The following SOCS4 variants were observed in gnomAD, a reference collection of about 807,000 sequenced individuals.
The protein encoded by SOCS4 is SH2 domain containing SOCS box protein.
SOCS4 carries 20 observed loss-of-function variants against 34.1 expected under a neutral mutation model. The ratio of observed to expected loss-of-function variants is 0.59; its 90% CI spans 0.41 to 0.85. The LOEUF (loss-of-function observed/expected upper bound fraction) is 0.85. Ranked by LOEUF, SOCS4 falls within the 40% of genes least tolerant of loss-of-function variation. The pLI, the probability that SOCS4 is intolerant of heterozygous loss-of-function variation, is 0.00. For missense variants in SOCS4, 479 were observed against 532.4 expected (o/e 0.90, Z 0.99); for synonymous variants, 180 against 186.4 (o/e 0.97, Z 0.28).
chr14:55,034,933 T>C (rs2042559468), intron 2 of SOCS4, among the ~76,000 whole-genome samples: 1 of 150,410 alleles, frequency 6.6e-6, no homozygotes, highest in African/African-American at 2.4e-5. Context: ...CAATCTTGGC[T>C]CACTGCAACC....
chr14:55,036,312 G>A (rs1022480267), intron 2 of SOCS4, among the ~76,000 whole-genome samples: 2 of 151,546 alleles, frequency 1.3e-5, no homozygotes, highest in East Asian at 3.9e-4. Context: ...CAATATGGAG[G>A]TGCCTGTCCT....
At position 55,044,107 on chromosome 14, in the gene SOCS4, G is replaced by C; in HGVS notation, c.1066G>C (p.Asp356His). The C allele has an allele frequency of 6.2e-7, 1 of 1,614,110 alleles. No homozygotes were observed. Among genetic ancestry groups the C allele is most frequent in the South Asian group, 1.1e-5 (1 of 91,076 alleles). Reference protein sequence around the residue: ...AHDPCVFHSPDITGLLEHYKD... With the variant: ...AHDPCVFHSPHITGLLEHYKD... Reference sequence around the variant, plus strand: ...TGACCCCTGTGTCTTCCATTCTCCTGACATTACTGGGCTCCTAGAACATTA... The same window carrying C: ...TGACCCCTGTGTCTTCCATTCTCCTCACATTACTGGGCTCCTAGAACATTA... The change falls in exon 3 of 3, where the codon GAC (aspartate) becomes CAC (histidine). Residue 356 changes from aspartate to histidine, a missense_variant. Asp to His is a moderately conservative substitution (Grantham distance 81). Coordinates refer to ENST00000555846, the MANE Select transcript of SOCS4 (RefSeq NM_199421.2).
At chr14:55,027,812 G>A (rs1380132665) in intron 1 of SOCS4, 3 of 152,182 alleles carry the variant, frequency 2.0e-5, no homozygotes, top group African/African-American at 7.2e-5. Context: ...CTATATATCC[G>A]TTATGAAGAA....
At position 55,047,983 on chromosome 14, in the gene SOCS4, G is replaced by A. The variant is rs550495802; in HGVS notation, c.*3619G>A. ...TCAGCCCAGGCTGGAGTGCAATGGC[G>A]CAATCTCGGTTCACTGCAACCTCTG... On this transcript the variant is annotated 3_prime_UTR_variant, in exon 3 of 3. Transcript: ENST00000555846. 9.4e-4 allele frequency: 156 copies of A among 166,412 alleles called. 1 individual carries two copies. Among genetic ancestry groups the A allele is most frequent in the Non-Finnish European group, 1.5e-5 (1 of 68,114 alleles). 10.3% of individuals were successfully genotyped at this position (166,412 alleles called of 1,614,324 possible). A position where few individuals can be genotyped will look rare whatever the true frequency, so the allele number is the denominator to read the frequency against.
Position 55,039,681 on chromosome 14 carries a change from C to T in SOCS4, c.-90-3271C>T, listed in dbSNP as rs1029090003. On this transcript the variant is annotated intron_variant, in intron 2 of 2. Transcript: ENST00000555846. ...GGCCGAGGTGGGCGGACCACGAAGTCAGGAGATCGAGACCATCCTGGCTAA... is the reference window on the plus strand; with the variant it reads ...GGCCGAGGTGGGCGGACCACGAAGTTAGGAGATCGAGACCATCCTGGCTAA... 3.9e-5 allele frequency among the ~76,000 whole-genome samples: 6 copies of T among 152,304 alleles called. No individual in the cohort carries two copies. In the East Asian group the frequency reaches 7.7e-4, roughly 20 times the overall value.
At position 55,043,232 on chromosome 14, in the gene SOCS4, A is replaced by G. The variant is rs777137817; in HGVS notation, c.191A>G (p.Asn64Ser). The part of the protein sequence containing the change: ...GIEKTEVSLR[N>S]QERKHSCSSI... ...GAGAAAACCGAAGTGTCTTTAAGGAACCAAGAAAGGAAGCACAGCTGTTCA... is the reference window on the plus strand; with the variant it reads ...GAGAAAACCGAAGTGTCTTTAAGGAGCCAAGAAAGGAAGCACAGCTGTTCA... The change falls in exon 3 of 3, where the codon AAC becomes AGC. Residue 64 changes from asparagine to serine, a missense_variant. Physicochemically the swap from Asn to Ser is conservative, Grantham distance 46 (BLOSUM62 1). Transcript: ENST00000555846. 1 of 1,614,214 alleles carries G rather than the reference A, an allele frequency of 6.2e-7. No individual in the cohort carries two copies. Among genetic ancestry groups the G allele is most frequent in the Non-Finnish European group, 8.5e-7 (1 of 1,180,038 alleles).
rs772661402 is a variant in SOCS4, at chr14:55,044,203, T to G, written c.1162T>G (p.Ser388Ala). The G allele has an allele frequency of 6.2e-7, 1 of 1,614,086 alleles. No individual in the cohort carries two copies. The highest frequency in any genetic ancestry group is 8.5e-7 in the Non-Finnish European group (1 of 1,179,966). ...TCCCTTAATTCGGACTTTCCCTTTT[T>G]CCCTGCAGCATATATGCAGAACAGT... ...STPLIRTFPF[S>A]LQHICRTVIC... is the part of the protein sequence containing the mutation. Residue 388 changes from serine (S) to alanine (A), a missense_variant, in exon 3 of 3, where the codon TCC becomes GCC. By Grantham distance (99) the Ser-to-Ala change is moderately conservative. Coordinates refer to ENST00000555846, the MANE Select transcript of SOCS4 (RefSeq NM_199421.2).
At chr14:55,041,532 G>A (rs554968096) in intron 2 of SOCS4, among the ~76,000 whole-genome samples, 25 of 151,066 alleles carry the variant, frequency 1.7e-4, no homozygotes, top group Non-Finnish European at 2.9e-4. Flanking sequence ...AGGCTGGAGC[G>A]CAGAGGTGCG....
At chr14:55,031,504 T>C (rs774772942) in intron 1 of SOCS4, among the ~76,000 whole-genome samples, 6 of 149,560 alleles carry the variant, frequency 4.0e-5, no homozygotes, top group Admixed American at 2.0e-4. Context: ...CCCAAACTTA[T>C]TTGACAAGAG....
chr14:55,037,789 C>T (rs937673287), intron 2 of SOCS4, among the ~76,000 whole-genome samples: 16 of 152,148 alleles, frequency 1.1e-4, no homozygotes, highest in East Asian at 1.9e-4. Flanking sequence ...CCACTGTGCC[C>T]GGCCCCTACC....
chr14:55,040,798 T>G (rs1361020292), intron 2 of SOCS4, among the ~76,000 whole-genome samples: 1 of 152,148 alleles, frequency 6.6e-6, no homozygotes, highest in Non-Finnish European at 1.5e-5. Context: ...GGGGATTTTT[T>G]CCTTGAATAT....
rs1330045932 is a variant in SOCS4, at chr14:55,045,886, A to G, written c.*1522A>G. ...AAGTTAGAACAAATATTTCTTCATT[A>G]TTGTTGCTTTTATGTGAGTAGCATT... On this transcript the variant is annotated 3_prime_UTR_variant, in exon 3 of 3. Transcript: ENST00000555846. The G allele has an allele frequency of 6.0e-6, 1 of 166,894 alleles. No homozygotes were observed. The highest frequency in any genetic ancestry group is 1.5e-5 in the Non-Finnish European group (1 of 67,996). The allele number at this position is 166,894 out of a possible 1,614,324, so 10.3% of individuals were successfully genotyped here. A position where few individuals can be genotyped will look rare whatever the true frequency, so the allele number is the denominator to read the frequency against.
chr14:55,032,208 C>T (rs540051125), intron 2 of SOCS4, among the ~76,000 whole-genome samples: 2 of 152,272 alleles, frequency 1.3e-5, no homozygotes, highest in African/African-American at 4.8e-5. Flanking sequence ...TGCAATAATG[C>T]TGTTATCCTA....
In SOCS4 at chr14:55,044,193, T is replaced by C. The variant is rs1471386244; in HGVS notation, c.1152T>C (p.Thr384=). Residue 384 remains threonine (T), a synonymous_variant, in exon 3 of 3, where the codon ACT becomes ACC. Coordinates refer to ENST00000555846, the MANE Select transcript of SOCS4 (RefSeq NM_199421.2). ...TTCTATCCACTCCCTTAATTCGGAC[T>C]TTCCCTTTTTCCCTGCAGCATATAT... ...EPLLSTPLIR[T]FPFSLQHICR... is the part of the protein sequence containing the mutation. 1 of 1,614,000 alleles carries C rather than the reference T, an allele frequency of 6.2e-7. No individual in the cohort carries two copies. The highest frequency in any genetic ancestry group is 1.3e-5 in the African/African-American group (1 of 74,922).
At chr14:55,028,315 T>G (rs574741769) in intron 1 of SOCS4, among the ~76,000 whole-genome samples, 1 of 152,272 alleles carries the variant, frequency 6.6e-6, no homozygotes, top group African/African-American at 2.4e-5. Context: ...AGAGGAAGAA[T>G]GATTGGCTTA....
Position 55,043,896 on chromosome 14 carries a change from A to G in SOCS4, c.855A>G (p.Pro285=), listed in dbSNP as rs2042646932. 4 of 1,614,148 alleles carry G rather than the reference A, an allele frequency of 2.5e-6. No homozygotes were observed. Among genetic ancestry groups the G allele is most frequent in the South Asian group, 1.1e-5 (1 of 91,086 alleles). Reference sequence around the variant, plus strand: ...ACCTCCTTCAGATCAATAACAACCCATGTTACTGGGGAGTGATGGATAAAT... The same window carrying G: ...ACCTCCTTCAGATCAATAACAACCCGTGTTACTGGGGAGTGATGGATAAAT... ...VPDLLQINNN[P]CYWGVMDKYA... Residue 285 remains proline, a synonymous_variant, in exon 3 of 3, where the codon CCA becomes CCG. Coordinates refer to ENST00000555846, the MANE Select transcript of SOCS4 (RefSeq NM_199421.2).
At chr14:55,033,301 T>A (rs955610915) in intron 2 of SOCS4, among the ~76,000 whole-genome samples, 1 of 152,190 alleles carries the variant, frequency 6.6e-6, no homozygotes, top group East Asian at 1.9e-4. Context: ...GCAACATGAT[T>A]GATTTTTTTA....
chr14:55,042,542 G>C (rs1191423144), intron 2 of SOCS4, among the ~76,000 whole-genome samples: 3 of 152,164 alleles, frequency 2.0e-5, no homozygotes, highest in Non-Finnish European at 4.4e-5. Flanking sequence ...TCAAATACCA[G>C]CTCATAGATT....
rs1372947438 is a variant in SOCS4 at position 55,043,807 on chromosome 14, C to T, written c.766C>T (p.Leu256=). 1 of 1,614,086 alleles carries T rather than the reference C, an allele frequency of 6.2e-7. No individual in the cohort carries two copies. The highest frequency in any genetic ancestry group is 8.5e-7 in the Non-Finnish European group (1 of 1,179,990). The part of the protein sequence containing the change: ...KPKWDLDDEI[L]QLETPPKYHT... Reference sequence around the variant, plus strand: ...CAAATGGGATTTGGATGATGAAATCCTGCAGTTGGAAACACCTCCTAAATA... The same window carrying T: ...CAAATGGGATTTGGATGATGAAATCTTGCAGTTGGAAACACCTCCTAAATA... The change falls in exon 3 of 3, where the codon CTG becomes TTG. Residue 256 remains leucine, a synonymous_variant. Transcript: ENST00000555846.
Sources: gnomAD v4.1 joint callset for allele counts (sites outside exome capture counted in the v4.1 genomes callset) on GRCh38, gnomAD v4.1.1 for gene constraint, MANE v1.5 for transcripts, NCBI Gene and HGNC (gene_info 2026-07-23, HGNC 2026-07-21) for gene names.